The following SAT2 variants were observed in gnomAD, a reference collection of about 807,000 sequenced individuals.
SAT2 encodes the protein spermidine/spermine N1-acetyltransferase family member 2.
A neutral mutation model predicts 24.8 loss-of-function variants in SAT2; 19 were observed. The observed-to-expected ratio is 0.77, with a 90% CI of 0.53 to 1.12. SAT2 has a LOEUF of 1.12. SAT2 is among the 50% of genes most tolerant of loss of function. The pLI is 0.00. For missense variants in SAT2, 190 were observed against 210.7 expected, an observed-to-expected ratio of 0.90 and a Z score of 0.61; for synonymous variants, 77 against 77.4, an observed-to-expected ratio of 0.99 and a Z score of 0.03.
In SAT2 at chr17:7,626,456, T is replaced by G. The variant is rs1400277495; in HGVS notation, c.504A>C (p.Ala168=). Residue 168 remains alanine, a synonymous_variant, in exon 6 of 6, where the codon GCA becomes GCC. Transcript: ENST00000269298. ...CCTCCTAGGGATGGCGTCACTTTCC[T>G]GCCAACTTTCTCGTTGCCTCTCCTT... ...CFQGEATRKL[A]GK is the part of the protein sequence containing the mutation. The G allele has an allele frequency of 6.2e-7, 1 of 1,614,012 alleles. No individual in the cohort carries two copies. Among genetic ancestry groups the G allele is most frequent in the Non-Finnish European group, 8.5e-7 (1 of 1,179,938 alleles).
At position 7,626,542 on chromosome 17, in the gene SAT2, A is replaced by T. The variant is rs754624666; in HGVS notation, c.418T>A (p.Tyr140Asn). 2 of 1,614,186 alleles carry T rather than the reference A, an allele frequency of 1.2e-6. No individual in the cohort carries two copies. The highest frequency in any genetic ancestry group is 1.7e-6 in the Non-Finnish European group (2 of 1,180,036). ...LDWNQRAMDL[Y>N]KALGAQDLTE... ...AGATCTTGGGCTCCTAGGGCCTTGT[A>T]CAAGTCCATGGCCCTCTGGTTCCAG... is the stretch of plus-strand genomic sequence containing the variant. The change falls in exon 6 of 6, where the codon TAC (tyrosine) becomes AAC (asparagine). Residue 140 changes from tyrosine (Y) to asparagine (N), a missense_variant. Physicochemically the swap from Tyr to Asn is moderately radical, Grantham distance 143. Coordinates refer to ENST00000269298, the MANE Select transcript of SAT2 (RefSeq NM_133491.5).
chr17:7,627,180 C>T lies in SAT2; in HGVS notation c.165G>A (p.Leu55=). The change falls in exon 3 of 6, where the codon TTG becomes TTA. Residue 55 remains leucine, a synonymous_variant. Transcript: ENST00000269298. This position sits in a 1 kb window ranked among gnomAD's most constrained non-coding sequence, Gnocchi z 4.8. ...GFGDNPFYHC[L]VAEILPAPGK... is the part of the protein sequence containing the mutation. ...CGGGCGCTGGAAGAATCTCTGCTAC[C>T]AAACAGTGATAGAAAGGATTGTCTC... 1 of 1,614,100 alleles carries T rather than the reference C, an allele frequency of 6.2e-7. No individual in the cohort carries two copies. The highest frequency in any genetic ancestry group is 8.5e-7 in the Non-Finnish European group (1 of 1,180,026).
chr17:7,627,867 C>G, upstream of SAT2: 2 of 647,742 alleles, frequency 3.1e-6, no homozygotes, highest in East Asian at 2.8e-5. This position sits in a 1 kb window ranked among gnomAD's most constrained non-coding sequence, Gnocchi z 4.8. Flanking sequence ...GCCCCACCCC[C>G]TCGAATTCTG....
Position 7,626,375 on chromosome 17 carries a change from C to T in SAT2, c.*72G>A, listed in dbSNP as rs1393548831. 7 of 1,550,192 alleles carry T rather than the reference C, an allele frequency of 4.5e-6. No individual in the cohort carries two copies. Among genetic ancestry groups the T allele is most frequent in the Non-Finnish European group, 5.3e-6 (6 of 1,135,494 alleles). On this transcript the variant is annotated 3_prime_UTR_variant, in exon 6 of 6. Transcript: ENST00000269298. Reference sequence around the variant, plus strand: ...AGGCCTCAGCATCAGTGTCTGTGGACGTAGTCTCTGAAGAGTGCTTCAGCT... The same window carrying T: ...AGGCCTCAGCATCAGTGTCTGTGGATGTAGTCTCTGAAGAGTGCTTCAGCT...
Position 7,627,349 on chromosome 17 carries a change from C to T in SAT2, c.118+14G>A, listed in dbSNP as rs1243051320. 1.9e-6 allele frequency: 3 copies of T among 1,613,970 alleles called. No homozygotes were observed. The highest frequency in any genetic ancestry group is 2.7e-5 in the African/African-American group (2 of 74,944). ...TCCCCAGCCTCCGCCAGAACCTGGGCGCTGAGCCCCCACCTTCTTCACTGA... is the reference window on the plus strand; with the variant it reads ...TCCCCAGCCTCCGCCAGAACCTGGGTGCTGAGCCCCCACCTTCTTCACTGA... On this transcript the variant is annotated intron_variant, in intron 2 of 5. Coordinates refer to ENST00000269298, the MANE Select transcript of SAT2 (RefSeq NM_133491.5). This position sits in a 1 kb window ranked among gnomAD's most constrained non-coding sequence, Gnocchi z 4.8.
At chr17:7,626,701 A>G (rs972594146) in intron 5 of SAT2, 52 bp downstream of exon 5, 9 of 1,613,430 alleles carry the variant, frequency 5.6e-6, no homozygotes, top group Admixed American at 3.3e-5. Flanking sequence ...TCCCCCCTCC[A>G]TATACCCTTG....
chr17:7,627,001 A>G lies in SAT2; in HGVS notation c.246T>C (p.Ser82=). Residue 82 remains serine (S), a synonymous_variant, in exon 4 of 6, where the codon AGT becomes AGC. Coordinates refer to ENST00000269298, the MANE Select transcript of SAT2 (RefSeq NM_133491.5). This position sits in a 1 kb window ranked among gnomAD's most constrained non-coding sequence, Gnocchi z 4.8. ...GATAAATGGTGCGTCCCTTCCATGT[A>G]CTGTAGATGAAATAGTATATCCCAT... ...VGYGIYYFIY[S]TWKGRTIYLE... 6.2e-7 allele frequency: 1 copy of G among 1,613,850 alleles called. No homozygotes were observed. Among genetic ancestry groups the G allele is most frequent in the African/African-American group, 1.3e-5 (1 of 74,924 alleles).
rs776186358 is a variant in SAT2, at chr17:7,627,055, G to T, written c.203-11C>A. 1 of 1,613,644 alleles carries T rather than the reference G, an allele frequency of 6.2e-7. No homozygotes were observed. Among genetic ancestry groups the T allele is most frequent in the Non-Finnish European group, 8.5e-7 (1 of 1,179,568 alleles). The stretch of plus-strand genomic sequence containing the variant: ...CCACCACGCAGGGCCCTGAGAGAGA[G>T]AAAAGGGGAGTAAGGCTTCTGGAAG... On this transcript the variant is annotated splice_polypyrimidine_tract_variant and intron_variant, in intron 3 of 5. Coordinates refer to ENST00000269298, the MANE Select transcript of SAT2 (RefSeq NM_133491.5). This position sits in a 1 kb window ranked among gnomAD's most constrained non-coding sequence, Gnocchi z 4.8.
rs2072223148 is a variant in SAT2 at position 7,626,801 on chromosome 17, GGA to G, written c.305-10_305-9del. 1.9e-6 allele frequency: 3 copies of G among 1,613,918 alleles called. No individual in the cohort carries two copies. Among genetic ancestry groups the G allele is most frequent in the Non-Finnish European group, 2.5e-6 (3 of 1,179,994 alleles). ...TGGAACCAATCCCTTGACCTGTTGT[GGA>G]GAGAAAGAGGCAAAAAATAGCTATT... On this transcript the variant is annotated splice_polypyrimidine_tract_variant and intron_variant, in intron 4 of 5. Coordinates refer to ENST00000269298, the MANE Select transcript of SAT2 (RefSeq NM_133491.5).
At position 7,627,759 on chromosome 17, in the gene SAT2, G is replaced by T. The variant is rs764817192; in HGVS notation, c.-124C>A. The T allele has an allele frequency of 7.2e-5, 79 of 1,093,660 alleles. No homozygotes were observed. Among genetic ancestry groups the T allele is most frequent in the Non-Finnish European group, 1.0e-4 (73 of 724,882 alleles). The allele number at this position is 1,093,660 out of a possible 1,614,324, so 67.7% of individuals were successfully genotyped here. A position where few individuals can be genotyped will look rare whatever the true frequency, so the allele number is the denominator to read the frequency against. ...GAGCGGGGTGGCGGGAGTCGGGGGG[G>T]ACGGCGGGGTAGCCGCGGCCTGGTA... On this transcript the variant is annotated 5_prime_UTR_variant, in exon 1 of 6. Coordinates refer to ENST00000269298, the MANE Select transcript of SAT2 (RefSeq NM_133491.5). The surrounding 1 kb of genome is among the most constrained non-coding windows in gnomAD (Gnocchi z 4.8).
Position 7,627,471 on chromosome 17 carries a change from C to T in SAT2, c.67-57G>A. 6.2e-7 allele frequency: 1 copy of T among 1,609,818 alleles called. No homozygotes were observed. The highest frequency in any genetic ancestry group is 8.5e-7 in the Non-Finnish European group (1 of 1,176,424). The stretch of plus-strand genomic sequence containing the variant: ...CAGAAGGGCCCCGCTGCTCCCCGAG[C>T]AGGTTCCCAAGGCGAGCCCCTCCCC... On this transcript the variant is annotated intron_variant, in intron 1 of 5. Coordinates refer to ENST00000269298, the MANE Select transcript of SAT2 (RefSeq NM_133491.5). The surrounding 1 kb of genome is among the most constrained non-coding windows in gnomAD (Gnocchi z 4.8).
In SAT2 at chr17:7,627,096, C is replaced by T; in HGVS notation, c.202+47G>A. 6.2e-7 allele frequency: 1 copy of T among 1,613,566 alleles called. No homozygotes were observed. Among genetic ancestry groups the T allele is most frequent in the Non-Finnish European group, 8.5e-7 (1 of 1,179,518 alleles). ...CTTCTGGAAGCCTGTGGGGAGACCT[C>T]TGAGGCCGGCTGGAGAGGTGGACTT... On this transcript the variant is annotated intron_variant, in intron 3 of 5. Transcript: ENST00000269298. The surrounding 1 kb of genome is among the most constrained non-coding windows in gnomAD (Gnocchi z 4.8).
Position 7,626,402 on chromosome 17 carries a change from A to C in SAT2, c.*45T>G. On this transcript the variant is annotated 3_prime_UTR_variant, in exon 6 of 6. Transcript: ENST00000269298. ...TAGTCTCTGAAGAGTGCTTCAGCTG[A>C]TGGGGAAGGAGAAACTCAAGACAGA... 6.9e-6 allele frequency: 11 copies of C among 1,605,154 alleles called. No homozygotes were observed. Among genetic ancestry groups the C allele is most frequent in the Non-Finnish European group, 9.4e-6 (11 of 1,174,358 alleles).
At chr17:7,626,829 G>C (rs858521) in intron 4 of SAT2, 36 bp from the exon 5 acceptor site, 587,664 of 1,611,592 alleles carry the variant, frequency 0.36, 111,960 homozygotes, top group Middle Eastern at 0.51. Flanking sequence ...AATAGCTATT[G>C]TTTGAGCTGA....
At position 7,627,768 on chromosome 17, in the gene SAT2, G is replaced by A; in HGVS notation, c.-133C>T. 9.9e-7 allele frequency: 1 copy of A among 1,005,398 alleles called. No individual in the cohort carries two copies. The highest frequency in any genetic ancestry group is 1.3e-5 in the South Asian group (1 of 74,624). The allele number at this position is 1,005,398 out of a possible 1,614,324, so 62.3% of individuals were successfully genotyped here. A position where few individuals can be genotyped will look rare whatever the true frequency, so the allele number is the denominator to read the frequency against. Reference sequence around the variant, plus strand: ...GGCGGGAGTCGGGGGGGACGGCGGGGTAGCCGCGGCCTGGTAAGTGGAGCT... The same window carrying A: ...GGCGGGAGTCGGGGGGGACGGCGGGATAGCCGCGGCCTGGTAAGTGGAGCT... On this transcript the variant is annotated 5_prime_UTR_variant, in exon 1 of 6. Coordinates refer to ENST00000269298, the MANE Select transcript of SAT2 (RefSeq NM_133491.5). The surrounding 1 kb of genome is among the most constrained non-coding windows in gnomAD (Gnocchi z 4.8).
In SAT2 at chr17:7,627,206, C is replaced by T; in HGVS notation, c.139G>A (p.Gly47Arg). 1 of 1,614,080 alleles carries T rather than the reference C, an allele frequency of 6.2e-7. No individual in the cohort carries two copies. The highest frequency in any genetic ancestry group is 2.2e-5 in the East Asian group (1 of 44,882). ...AAACAGTGATAGAAAGGATTGTCTC[C>T]AAAGCCATCTGCTCTCAGGGCTGCC... ...SEEALRADGF[G>R]DNPFYHCLVA... Residue 47 changes from glycine to arginine, a missense_variant, in exon 3 of 6, where the codon GGA (glycine) becomes AGA (arginine). Gly to Arg is a moderately radical substitution (Grantham distance 125). Transcript: ENST00000269298. The surrounding 1 kb of genome is among the most constrained non-coding windows in gnomAD (Gnocchi z 4.8).
At position 7,626,768 on chromosome 17, in the gene SAT2, G is replaced by T. The variant is rs2072222009; in HGVS notation, c.330C>A (p.Ile110=). The change falls in exon 5 of 6, where the codon ATC becomes ATA. Residue 110 remains isoleucine, a synonymous_variant. Transcript: ENST00000269298. ...ATCTCCTCACCTCAGCCACCTTTTT[G>T]ATTATTTTGGAACCAATCCCTTGAC... is the stretch of plus-strand genomic sequence containing the variant. ...YRGQGIGSKI[I]KKVAEVALDK... The T allele has an allele frequency of 6.2e-7, 1 of 1,614,034 alleles. No individual in the cohort carries two copies. Among genetic ancestry groups the T allele is most frequent in the Non-Finnish European group, 8.5e-7 (1 of 1,180,008 alleles).
chr17:7,626,857 C>T lies in SAT2; in HGVS notation c.305-64G>A, dbSNP rs376152098. 3 of 1,608,064 alleles carry T rather than the reference C, an allele frequency of 1.9e-6. No homozygotes were observed. In the African/African-American group the frequency reaches 4.0e-5, roughly 22 times the overall value. On this transcript the variant is annotated intron_variant, in intron 4 of 5. Coordinates refer to ENST00000269298, the MANE Select transcript of SAT2 (RefSeq NM_133491.5). ...TGAGCTGAAGGGGATCAGAAAATGA[C>T]ACCGGCTGGGCTCTGGGGACAGGGG...
chr17:7,627,707 C>A lies in SAT2; in HGVS notation c.-72G>T, dbSNP rs557032924. On this transcript the variant is annotated 5_prime_UTR_variant, in exon 1 of 6. Coordinates refer to ENST00000269298, the MANE Select transcript of SAT2 (RefSeq NM_133491.5). The surrounding 1 kb of genome is among the most constrained non-coding windows in gnomAD (Gnocchi z 4.8). Reference sequence around the variant, plus strand: ...GCAACTAGACCCCTTAAAGGGCCTACGGACTTGGATCCTGAAGAGCCTGAG... The same window carrying A: ...GCAACTAGACCCCTTAAAGGGCCTAAGGACTTGGATCCTGAAGAGCCTGAG... 1.9e-6 allele frequency: 3 copies of A among 1,545,412 alleles called. No individual in the cohort carries two copies. The African/African-American group carries it at 4.1e-5, about 21-fold the overall frequency.
Sources: allele counts gnomAD v4.1 joint callset, GRCh38; gene constraint gnomAD v4.1.1; non-coding constraint Gnocchi (gnomAD v3.1); transcripts MANE v1.5; gene names NCBI Gene and HGNC (gene_info 2026-07-23, HGNC 2026-07-21).